ZNF527: variants seen among roughly 807,000 people sequenced by gnomAD.
ZNF527 encodes zinc finger protein 527.
In ZNF527, 5 loss-of-function variants were observed where a neutral mutation model predicts 13.5. That is an observed-to-expected ratio of 0.37 (90% CI 0.19 to 0.78). ZNF527 has a LOEUF of 0.78. Ranked by LOEUF, ZNF527 falls within the 30% of genes least tolerant of loss-of-function variation. ZNF527 has a pLI of 0.48. For synonymous variants in ZNF527, 209 were observed against 243.1 expected, an observed-to-expected ratio of 0.86 and a Z score of 1.30; for missense variants, 628 against 726.4, an observed-to-expected ratio of 0.86 and a Z score of 1.56.
chr19:37,375,306 CTTTCT>C (rs1407061898), intron 2 of ZNF527, among the ~76,000 whole-genome samples: 1,673 of 100,666 alleles, frequency 0.017, 60 homozygotes, highest in African/African-American at 0.056. Context: ...TTCTTTCTTT[CTTTCT>C]TTTCTTTCTT....
intron 1 of ZNF527, among the ~76,000 whole-genome samples, chr19:37,373,169 A>G (rs1196362579): frequency 2.0e-5 from 3 of 152,212 alleles, no homozygotes; most frequent in Non-Finnish European, 4.4e-5. Context: ...ATTAAATGAG[A>G]TAATGACACA....
chr19:37,392,023 TAATAA>T lies in ZNF527; in HGVS notation c.*2148_*2152del, dbSNP rs1201454149. On this transcript the variant is annotated 3_prime_UTR_variant, in exon 5 of 5. Transcript: ENST00000436120. ...GAAATATTCAACTTATACTTATTTC[TAATAA>T]AATCTGAAAATTATTTTTCATAAAT... 4 of 152,238 alleles carry T rather than the reference TAATAA, an allele frequency of 2.6e-5. No individual in the cohort carries two copies. Among genetic ancestry groups the T allele is most frequent in the Non-Finnish European group, 5.9e-5 (4 of 68,044 alleles). 9.4% of individuals were successfully genotyped at this position (152,238 alleles called of 1,614,324 possible).
At chr19:37,382,050 CCTT>C (rs2040658061) in intron 4 of ZNF527, among the ~76,000 whole-genome samples, 4 of 152,252 alleles carry the variant, frequency 2.6e-5, no homozygotes, top group South Asian at 2.1e-4. Flanking sequence ...GTTCCTTTGA[CCTT>C]CTGACATGCC....
chr19:37,386,162 T>TTTTTTTTTTAA (rs2040697751), intron 4 of ZNF527, among the ~76,000 whole-genome samples: 1 of 146,354 alleles, frequency 6.8e-6, no homozygotes. Context: ...TTTTTTTTTT[T>TTTTTTTTTTAA]GAGACAGTCT....
At position 37,390,418 on chromosome 19, in the gene ZNF527, G is replaced by C. The variant is rs1051240880; in HGVS notation, c.*539G>C. 1 of 153,788 alleles carries C rather than the reference G, an allele frequency of 6.5e-6. No homozygotes were observed. The highest frequency in any genetic ancestry group is 2.4e-5 in the African/African-American group (1 of 41,480). 9.5% of individuals were successfully genotyped at this position (153,788 alleles called of 1,614,324 possible). On this transcript the variant is annotated 3_prime_UTR_variant, in exon 5 of 5. Transcript: ENST00000436120. ...ATGAAACTGTTAATCAGGGACAGCA[G>C]TGGACTGGTCACAGGCTGGCCAATT... is the stretch of plus-strand genomic sequence containing the variant.
intron 4 of ZNF527, chr19:37,384,924 C>T (rs2040685544): frequency 1.4e-6 from 1 of 701,912 alleles, no homozygotes; most frequent in Non-Finnish European, 2.6e-6. Flanking sequence ...CTCACTGCAG[C>T]CTATACCTAC....
At chr19:37,384,427 G>C (rs1173873967) in intron 4 of ZNF527, among the ~76,000 whole-genome samples, 5 of 152,092 alleles carry the variant, frequency 3.3e-5, no homozygotes, top group Non-Finnish European at 5.9e-5. Context: ...AAGCCTCGGA[G>C]GTCAAGGCTG....
At chr19:37,380,405 T>C (rs2040644288) in intron 4 of ZNF527, 33 bp downstream of exon 4, 7 of 1,591,026 alleles carry the variant, frequency 4.4e-6, no homozygotes, top group African/African-American at 1.3e-5. Context: ...GGGAGGACTA[T>C]TGTAAGGTAC....
intron 4 of ZNF527, among the ~76,000 whole-genome samples, chr19:37,387,488 C>T (rs1377020683): frequency 6.6e-6 from 1 of 152,178 alleles, no homozygotes; most frequent in Non-Finnish European, 1.5e-5. Flanking sequence ...TCAGGCTTTC[C>T]CCCCTCTACT....
rs1270504523 is a variant in ZNF527, at chr19:37,383,828, T to A, written c.256+3456T>A. Among the ~76,000 whole-genome samples, 3 of 152,010 alleles carry A rather than the reference T, an allele frequency of 2.0e-5. 1 individual carries two copies. Among genetic ancestry groups the A allele is most frequent in the South Asian group, 4.1e-4 (2 of 4,820 alleles). ...CTGGGAGTACAGGCATGAGCCACCG[T>A]GCCCAGCCTATTTTCCACTTTTTAA... On this transcript the variant is annotated intron_variant, in intron 4 of 4. Coordinates refer to ENST00000436120, the MANE Select transcript of ZNF527 (RefSeq NM_032453.2).
At chr19:37,377,444 AGAG>A (rs1325648216) in intron 2 of ZNF527, among the ~76,000 whole-genome samples, 1 of 152,120 alleles carries the variant, frequency 6.6e-6, no homozygotes, top group Non-Finnish European at 1.5e-5. Context: ...AGTTATCAGG[AGAG>A]GAGGAGAGTG....
intron 4 of ZNF527, among the ~76,000 whole-genome samples, chr19:37,386,838 A>G (rs543672839): frequency 3.9e-5 from 6 of 152,346 alleles, no homozygotes; most frequent in Admixed American, 6.5e-5. Flanking sequence ...GATGGAGTAT[A>G]GTGGCTTCAG....
At chr19:37,375,352 T>TCTTTC (rs2040598555) in intron 2 of ZNF527, among the ~76,000 whole-genome samples, 2 of 148,646 alleles carry the variant, frequency 1.3e-5, no homozygotes, top group African/African-American at 5.0e-5. Context: ...TTCTTTCCTT[T>TCTTTC]CTTTCTTTTC....
At chr19:37,378,077 T>TG (rs765268285) in intron 2 of ZNF527, among the ~76,000 whole-genome samples, 8 of 151,810 alleles carry the variant, frequency 5.3e-5, no homozygotes, top group Non-Finnish European at 1.0e-4. Flanking sequence ...TCACCCAGGC[T>TG]GGAAGTACAG....
intron 2 of ZNF527, among the ~76,000 whole-genome samples, chr19:37,377,626 G>C (rs1004336202): frequency 1.3e-5 from 2 of 152,142 alleles, no homozygotes; most frequent in African/African-American, 4.8e-5. Context: ...AACTATAAAG[G>C]ATCATGCTGT....
chr19:37,381,882 G>C (rs1427002906), intron 4 of ZNF527, among the ~76,000 whole-genome samples: 2 of 151,372 alleles, frequency 1.3e-5, no homozygotes, highest in Admixed American at 1.3e-4. Context: ...TTTCCTATGA[G>C]GTAAATCTAA....
chr19:37,383,338 G>A (rs1332224050), intron 4 of ZNF527, among the ~76,000 whole-genome samples: 1 of 150,626 alleles, frequency 6.6e-6, no homozygotes, highest in Non-Finnish European at 1.5e-5. Flanking sequence ...CAGGTACAAG[G>A]GATTTTCCTG....
intron 2 of ZNF527, among the ~76,000 whole-genome samples, chr19:37,377,823 C>T (rs373163045): frequency 1.2e-4 from 19 of 152,010 alleles, no homozygotes; most frequent in Admixed American, 3.3e-4. Context: ...TACTTACCTT[C>T]CTTTCATCTC....
In ZNF527 at chr19:37,375,465, G is replaced by A. The variant is rs541835117; in HGVS notation, c.33+1234G>A. Among the ~76,000 whole-genome samples the A allele has an allele frequency of 2.3e-4, 34 of 150,442 alleles. No homozygotes were observed. The South Asian group carries it at 2.5e-3, about 11-fold the overall frequency. ...CAGCCTCTGCCTCCTGGGTTCAAGC[G>A]ATTCTCCTGCCTCAGCTTTCCGGGT... On this transcript the variant is annotated intron_variant, in intron 2 of 4. Transcript: ENST00000436120.
Sources: gnomAD v4.1 joint callset for allele counts (sites outside exome capture counted in the v4.1 genomes callset) on GRCh38, gnomAD v4.1.1 for gene constraint, MANE v1.5 for transcripts, NCBI Gene and HGNC (gene_info 2026-07-23, HGNC 2026-07-21) for gene names.